PLXNA4: variants seen among roughly 807,000 people sequenced by gnomAD.
PLXNA4 encodes the protein plexin-A4.
A neutral mutation model predicts 191.8 loss-of-function variants in PLXNA4; 44 were observed. The ratio of observed to expected loss-of-function variants is 0.23; its 90% confidence interval spans 0.18 to 0.29. The LOEUF (loss-of-function observed/expected upper bound fraction) is 0.29, where lower values mean the gene tolerates loss of function less well. Ranked by LOEUF, PLXNA4 falls within the 10% of genes least tolerant of loss-of-function variation. The pLI, the probability that PLXNA4 is intolerant of heterozygous loss-of-function variation, is 1.00. For missense variants in PLXNA4, 1,800 were observed against 2,488.8 expected (o/e 0.72, Z 5.89); for synonymous variants, 1,082 against 1,009.5 (o/e 1.07, Z -1.36).
chr7:132,381,960 C>T (rs1277875359), intron 3 of PLXNA4, among the ~76,000 whole-genome samples: 1 of 152,174 alleles, frequency 6.6e-6, no homozygotes, highest in Non-Finnish European at 1.5e-5. Flanking sequence ...AACTGTTAGT[C>T]ATTCCAGTTT....
At chr7:132,261,031 T>C (rs1266330211) in intron 4 of PLXNA4, among the ~76,000 whole-genome samples, 1 of 152,200 alleles carries the variant, frequency 6.6e-6, no homozygotes, top group East Asian at 1.9e-4. Context: ...AAAACTGCTC[T>C]AAAAAATAGT....
chr7:132,510,666 G>A (rs1205734286), intron 1 of PLXNA4, among the ~76,000 whole-genome samples: 1 of 152,226 alleles, frequency 6.6e-6, no homozygotes, highest in Non-Finnish European at 1.5e-5. Flanking sequence ...TAGGGTGAGA[G>A]AGGGCAAGGA....
intron 3 of PLXNA4, among the ~76,000 whole-genome samples, chr7:132,369,856 C>A (rs1286969392): frequency 6.6e-6 from 1 of 151,788 alleles, no homozygotes; most frequent in Non-Finnish European, 1.5e-5. Context: ...ATCACAAGGT[C>A]AGGAGATTGA....
intron 4 of PLXNA4, among the ~76,000 whole-genome samples, chr7:132,249,857 G>T (rs952806870): frequency 6.6e-6 from 1 of 152,212 alleles, no homozygotes. Context: ...TGCCAGGAAG[G>T]TGTGGCTGAG....
rs138304333 is a variant in PLXNA4, at chr7:132,474,636, ACG to A, written c.1371+14654_1371+14655del. ...TGAGCACATGTACACACACACACAC[ACG>A]CGCGCGCACGCACACACACACAATT... On this transcript the variant is annotated intron_variant, in intron 3 of 31. Transcript: ENST00000321063. Among the ~76,000 whole-genome samples the A allele has an allele frequency of 1.2e-3, 181 of 151,784 alleles. 1 individual carries two copies. The highest frequency in any genetic ancestry group is 4.0e-3 in the African/African-American group (166 of 41,400).
intron 5 of PLXNA4, among the ~76,000 whole-genome samples, chr7:132,229,268 G>A (rs1175838497): frequency 1.3e-5 from 2 of 152,232 alleles, no homozygotes. Context: ...GCTCTGTGCT[G>A]TGTAAAGTGT....
intron 30 of PLXNA4, among the ~76,000 whole-genome samples, chr7:132,136,995 T>C (rs777740802): frequency 4.6e-5 from 7 of 152,154 alleles, no homozygotes; most frequent in African/African-American, 1.7e-4. Context: ...GTGGCCTCCC[T>C]GACCACAGGA....
intron 4 of PLXNA4, among the ~76,000 whole-genome samples, chr7:132,266,570 C>T (rs1385744519): frequency 6.6e-6 from 1 of 152,108 alleles, no homozygotes; most frequent in East Asian, 1.9e-4. Context: ...CTCATTTTTT[C>T]CACATATTCA....
chr7:132,510,821 C>T (rs1798683961), intron 1 of PLXNA4, among the ~76,000 whole-genome samples: 2 of 152,050 alleles, frequency 1.3e-5, no homozygotes, highest in African/African-American at 4.8e-5. Context: ...AGGGTGTGTA[C>T]AAGGAAGAGT....
At chr7:132,419,428 G>A (rs1179102223) in intron 3 of PLXNA4, among the ~76,000 whole-genome samples, 2 of 152,180 alleles carry the variant, frequency 1.3e-5, no homozygotes, top group Non-Finnish European at 2.9e-5. Flanking sequence ...ACCTAGACAA[G>A]GAGCTTTCCA....
At chr7:132,345,985 G>C (rs1803231134) in intron 3 of PLXNA4, among the ~76,000 whole-genome samples, 1 of 152,088 alleles carries the variant, frequency 6.6e-6, no homozygotes, top group Non-Finnish European at 1.5e-5. Flanking sequence ...ATCAGCCCTG[G>C]TCACCAGAGC....
At position 132,388,950 on chromosome 7, in the gene PLXNA4, C is replaced by T. The variant is rs149060160; in HGVS notation, c.1372-90728G>A. 3.2e-4 allele frequency among the ~76,000 whole-genome samples: 49 copies of T among 152,346 alleles called. 1 individual carries two copies. In the East Asian group the frequency reaches 8.5e-3, roughly 26 times the overall value. ...CATGACTGGCAGCTCAGAGCAGAGGCGTGTCCTTCACACAGCTCTGGCTGG... is the reference window on the plus strand; with the variant it reads ...CATGACTGGCAGCTCAGAGCAGAGGTGTGTCCTTCACACAGCTCTGGCTGG... On this transcript the variant is annotated intron_variant, in intron 3 of 31. Coordinates refer to ENST00000321063, the MANE Select transcript of PLXNA4 (RefSeq NM_020911.2).
chr7:132,187,402 T>C, intron 15 of PLXNA4, 69 bp downstream of exon 15: 1 of 1,540,516 alleles, frequency 6.5e-7, no homozygotes. Context: ...AAAACAAAGC[T>C]ACCCTGAAGT....
intron 25 of PLXNA4, 136 bp downstream of exon 25, chr7:132,159,337 A>G: frequency 7.1e-7 from 1 of 1,410,116 alleles, no homozygotes; most frequent in Non-Finnish European, 9.6e-7. Context: ...GCGGGGGTCC[A>G]GCCATGCCTG....
At chr7:132,516,593 C>T (rs185186165) in intron 1 of PLXNA4, among the ~76,000 whole-genome samples, 2 of 152,312 alleles carry the variant, frequency 1.3e-5, no homozygotes, top group East Asian at 3.9e-4. Context: ...CAGCCAACGA[C>T]TATTGATGGA....
chr7:132,369,330 T>TCA (rs1804328773), intron 3 of PLXNA4, among the ~76,000 whole-genome samples: 1 of 152,162 alleles, frequency 6.6e-6, no homozygotes, highest in East Asian at 1.9e-4. Flanking sequence ...AAGCATTTTT[T>TCA]CCCCTTCTCA....
chr7:132,286,518 C>T (rs1800689286), intron 4 of PLXNA4, among the ~76,000 whole-genome samples: 1 of 152,148 alleles, frequency 6.6e-6, no homozygotes, highest in East Asian at 1.9e-4. Context: ...CCAGCGCTTT[C>T]CTTAACTACT....
At chr7:132,444,778 G>T (rs544307589) in intron 3 of PLXNA4, among the ~76,000 whole-genome samples, 1 of 152,166 alleles carries the variant, frequency 6.6e-6, no homozygotes, top group African/African-American at 2.4e-5. Flanking sequence ...TGGTCTGCTG[G>T]TCACCGTCAG....
intron 4 of PLXNA4, among the ~76,000 whole-genome samples, chr7:132,278,105 GAA>G (rs531770879): frequency 6.6e-6 from 1 of 152,302 alleles, no homozygotes; most frequent in East Asian, 1.9e-4. Flanking sequence ...CAGAACATGT[GAA>G]AAGAGTTATT....
Sources: allele counts gnomAD v4.1 joint callset (sites outside exome capture counted in the v4.1 genomes callset), GRCh38; gene constraint gnomAD v4.1.1; transcripts MANE v1.5; gene names NCBI Gene and HGNC (gene_info 2026-07-23, HGNC 2026-07-21).